Variants in PPP6R3 observed in about 807,000 individuals in gnomAD.
PPP6R3 encodes serine/threonine-protein phosphatase 6 regulatory subunit 3.
Under a neutral mutation model 110.7 loss-of-function variants are expected in PPP6R3, and 38 were observed. The observed-to-expected ratio is 0.34, with a 90% CI of 0.26 to 0.45. The LOEUF (loss-of-function observed/expected upper bound fraction) is 0.45. Ranked by LOEUF, PPP6R3 falls within the 20% of genes least tolerant of loss-of-function variation. PPP6R3 has a pLI of 1.00. For synonymous variants in PPP6R3, 369 were observed against 373.5 expected (o/e 0.99, Z 0.14); for missense variants, 870 against 1,062.4 (o/e 0.82, Z 2.52).
intron 11 of PPP6R3, among the ~76,000 whole-genome samples, chr11:68,570,347 T>C (rs902534732): frequency 1.3e-5 from 2 of 152,240 alleles, no homozygotes; most frequent in Admixed American, 1.3e-4. Context: ...AAATATGAGA[T>C]AATTTTACTA....
At position 68,614,251 on chromosome 11, in the gene PPP6R3, A is replaced by G; in HGVS notation, c.*1134A>G. On this transcript the variant is annotated 3_prime_UTR_variant, in exon 24 of 24. Coordinates refer to ENST00000393800, the MANE Select transcript of PPP6R3 (RefSeq NM_001164161.2). ...TTTTAGAACTGGTTTGTGTATATAT[A>G]TAGTGATTATGGATACTAATTCAAT... 9.8e-7 allele frequency: 1 copy of G among 1,022,018 alleles called. No homozygotes were observed. The highest frequency in any genetic ancestry group is 1.2e-6 in the Non-Finnish European group (1 of 852,598). The allele number at this position is 1,022,018 out of a possible 1,614,324, so 63.3% of individuals were successfully genotyped here.
chr11:68,517,129 C>T (rs982881996), intron 1 of PPP6R3, among the ~76,000 whole-genome samples: 3 of 150,436 alleles, frequency 2.0e-5, no homozygotes, highest in African/African-American at 7.3e-5. Flanking sequence ...TTTTAGAACC[C>T]CTGTTGGTTG....
chr11:68,505,886 A>C (rs757552216), intron 1 of PPP6R3, among the ~76,000 whole-genome samples: 1 of 152,138 alleles, frequency 6.6e-6, no homozygotes, highest in South Asian at 2.1e-4. Flanking sequence ...CCAGCTACAC[A>C]TTAGAAGGTT....
At chr11:68,565,061 G>A (rs762863070) in intron 9 of PPP6R3, among the ~76,000 whole-genome samples, 8 of 151,720 alleles carry the variant, frequency 5.3e-5, no homozygotes, top group Non-Finnish European at 1.0e-4. Context: ...TTCCATGTGA[G>A]TTCTGTTCCC....
chr11:68,536,898 T>C lies in PPP6R3; in HGVS notation c.-6-761T>C, dbSNP rs536649388. Among the ~76,000 whole-genome samples, 15 of 152,330 alleles carry C rather than the reference T, an allele frequency of 9.8e-5. No individual in the cohort carries two copies. The East Asian group carries it at 2.3e-3, about 24-fold the overall frequency. ...CTGTCATGTGTCTCAAAAGTGGCAT[T>C]TGAGATCATCCCATCATGAATGGCA... On this transcript the variant is annotated intron_variant, in intron 2 of 23. Transcript: ENST00000393800.
At chr11:68,590,315 C>A (rs2099591276) in intron 16 of PPP6R3, among the ~76,000 whole-genome samples, 1 of 152,118 alleles carries the variant, frequency 6.6e-6, no homozygotes, top group South Asian at 2.1e-4. Flanking sequence ...CATGTTTTGA[C>A]TTGGTTCTTT....
At chr11:68,528,935 C>T (rs900800575) in intron 2 of PPP6R3, among the ~76,000 whole-genome samples, 2 of 152,158 alleles carry the variant, frequency 1.3e-5, no homozygotes, top group African/African-American at 2.4e-5. Flanking sequence ...ACAGCCTTGC[C>T]TCAGCTTGGT....
chr11:68,485,517 T>A (rs956918043), intron 1 of PPP6R3, among the ~76,000 whole-genome samples: 2 of 152,144 alleles, frequency 1.3e-5, no homozygotes, highest in Admixed American at 6.6e-5. Context: ...AGTTGTAGGT[T>A]TTTGATATAT....
chr11:68,571,006 G>A, intron 11 of PPP6R3, 34 bp from the exon 12 acceptor site: 1 of 1,564,382 alleles, frequency 6.4e-7, no homozygotes, highest in Admixed American at 1.9e-5. Flanking sequence ...ATGCTTTGAA[G>A]TATTAACTGG....
At chr11:68,591,752 G>A in intron 18 of PPP6R3, 46 bp downstream of exon 18, 3 of 1,568,070 alleles carry the variant, frequency 1.9e-6, no homozygotes, top group Admixed American at 1.8e-5. Flanking sequence ...AACCTGTAAA[G>A]AAAATGATTA....
chr11:68,545,523 G>C (rs1217253828), intron 4 of PPP6R3, among the ~76,000 whole-genome samples: 1 of 152,236 alleles, frequency 6.6e-6, no homozygotes, highest in Non-Finnish European at 1.5e-5. Context: ...AGACATCTGA[G>C]TGTATAGACT....
intron 1 of PPP6R3, among the ~76,000 whole-genome samples, chr11:68,515,445 C>A (rs1370332982): frequency 6.6e-6 from 1 of 152,216 alleles, no homozygotes; most frequent in Non-Finnish European, 1.5e-5. Context: ...AGGGGGGCAG[C>A]AATCCTGAAA....
chr11:68,559,641 A>G (rs899808518), intron 8 of PPP6R3, among the ~76,000 whole-genome samples: 10 of 152,176 alleles, frequency 6.6e-5, no homozygotes, highest in Non-Finnish European at 1.3e-4. Flanking sequence ...TCTTTGGTCA[A>G]TACTAATGGA....
intron 5 of PPP6R3, among the ~76,000 whole-genome samples, chr11:68,550,380 A>G (rs540812446): frequency 3.0e-4 from 46 of 152,102 alleles, no homozygotes; most frequent in Admixed American, 7.9e-4. Flanking sequence ...GCTTTTTATG[A>G]GCAGAGGAGG....
At chr11:68,611,878 C>A (rs767551913) in intron 23 of PPP6R3, among the ~76,000 whole-genome samples, 1 of 152,230 alleles carries the variant, frequency 6.6e-6, no homozygotes, top group African/African-American at 2.4e-5. Context: ...CAGCCAGATA[C>A]CACAGTTCCT....
chr11:68,565,323 T>G (rs1357559735), intron 9 of PPP6R3, among the ~76,000 whole-genome samples: 4 of 151,990 alleles, frequency 2.6e-5, no homozygotes, highest in Non-Finnish European at 5.9e-5. Context: ...AGGTCGTGGT[T>G]CCATCACTGT....
intron 14 of PPP6R3, among the ~76,000 whole-genome samples, chr11:68,580,489 A>G (rs957739160): frequency 2.0e-5 from 3 of 152,146 alleles, no homozygotes; most frequent in Non-Finnish European, 4.4e-5. Context: ...AGCTGATAAC[A>G]GACTTGGTGA....
Position 68,596,218 on chromosome 11 carries a change from C to T in PPP6R3, c.2038C>T (p.Pro680Ser), listed in dbSNP as rs1012902879. The T allele has an allele frequency of 5.0e-6, 8 of 1,614,122 alleles. No homozygotes were observed. Among genetic ancestry groups the T allele is most frequent in the East Asian group, 2.2e-5 (1 of 44,890 alleles). The change falls in exon 19 of 24, where the codon CCA becomes TCA. Residue 680 changes from proline (P) to serine (S), a missense_variant and splice_region_variant. Transcript: ENST00000393800. ...TAAAATGGAGGTGGACCTGAGTGAA[C>T]GTAAGTGGATTCATTCTTCAGATCA... is the stretch of plus-strand genomic sequence containing the variant. ...EDKMEVDLSEPPNWSANFDVP... is the reference protein window; with the variant it reads ...EDKMEVDLSESPNWSANFDVP...
chr11:68,467,186 T>A (rs1351484959), intron 1 of PPP6R3, among the ~76,000 whole-genome samples: 1 of 152,260 alleles, frequency 6.6e-6, no homozygotes, highest in Non-Finnish European at 1.5e-5. Context: ...ACTGAACTTA[T>A]GCAATTAAAG....
Sources: gnomAD v4.1 joint callset for allele counts (sites outside exome capture counted in the v4.1 genomes callset) on GRCh38, gnomAD v4.1.1 for gene constraint, MANE v1.5 for transcripts, NCBI Gene and HGNC (gene_info 2026-07-23, HGNC 2026-07-21) for gene names.